The following CSGALNACT1 variants were observed in gnomAD, a reference collection of about 807,000 sequenced individuals.
CSGALNACT1 encodes chondroitin sulfate N-acetylgalactosaminyltransferase 1, also known as beta4GalNAcT-1.
CSGALNACT1 carries 52 observed loss-of-function variants against 51.0 expected under a neutral mutation model. The ratio of observed to expected loss-of-function variants is 1.02; its 90% CI spans 0.82 to 1.29. CSGALNACT1 has a LOEUF of 1.29. CSGALNACT1 is among the 50% of genes most tolerant of loss of function. The pLI, the probability that CSGALNACT1 is intolerant of heterozygous loss-of-function variation, is 0.00. For missense variants in CSGALNACT1, 935 were observed against 679.2 expected (o/e 1.38, Z -4.19); for synonymous variants, 341 against 254.4 (o/e 1.34, Z -3.24).
At chr8:19,745,712 G>T (rs2064610928) in intron 1 of CSGALNACT1, among the ~76,000 whole-genome samples, 1 of 152,136 alleles carries the variant, frequency 6.6e-6, no homozygotes, top group Non-Finnish European at 1.5e-5. Flanking sequence ...CATCCCCAGG[G>T]AATATCTGTG....
chr8:19,634,716 T>A (rs2055781292), intron 1 of CSGALNACT1, among the ~76,000 whole-genome samples: 1 of 152,170 alleles, frequency 6.6e-6, no homozygotes, highest in Admixed American at 6.5e-5. Context: ...TTCAGCCATA[T>A]GGAGACACAG....
intron 1 of CSGALNACT1, among the ~76,000 whole-genome samples, chr8:19,639,203 C>T (rs1220008797): frequency 2.0e-5 from 3 of 152,242 alleles, no homozygotes; most frequent in Non-Finnish European, 4.4e-5. Flanking sequence ...GACCCAACCA[C>T]AGAACAATCA....
At chr8:19,690,092 C>G (rs534811467) in intron 1 of CSGALNACT1, among the ~76,000 whole-genome samples, 17 of 152,268 alleles carry the variant, frequency 1.1e-4, no homozygotes, top group Non-Finnish European at 2.5e-4. Flanking sequence ...GTAGAGACAA[C>G]TGCAGGTATA....
At chr8:19,639,132 TAA>T (rs767113962) in intron 1 of CSGALNACT1, among the ~76,000 whole-genome samples, 14 of 152,238 alleles carry the variant, frequency 9.2e-5, no homozygotes, top group Non-Finnish European at 1.8e-4. Context: ...AGTACAAAAT[TAA>T]AGAGGCCTGT....
chr8:19,418,033 C>T (rs1452600228), intron 8 of CSGALNACT1, among the ~76,000 whole-genome samples: 1 of 152,202 alleles, frequency 6.6e-6, no homozygotes, highest in Admixed American at 6.5e-5. Flanking sequence ...ATCACCTGTG[C>T]AGCCAGGATC....
chr8:19,698,101 C>G (rs527416494), intron 1 of CSGALNACT1, among the ~76,000 whole-genome samples: 1 of 152,262 alleles, frequency 6.6e-6, no homozygotes, highest in South Asian at 2.1e-4. Context: ...AGTGAGAAGG[C>G]TGCTGGGGAA....
intron 3 of CSGALNACT1, among the ~76,000 whole-genome samples, chr8:19,530,453 G>T (rs981509167): frequency 6.6e-6 from 1 of 152,056 alleles, no homozygotes; most frequent in Non-Finnish European, 1.5e-5. Context: ...AACAGATTTT[G>T]CATTTATGAC....
chr8:19,481,853 G>A (rs1033068948), intron 4 of CSGALNACT1, among the ~76,000 whole-genome samples: 1 of 152,126 alleles, frequency 6.6e-6, no homozygotes, highest in Admixed American at 6.5e-5. Context: ...AAAACTTATG[G>A]AGATACAGAG....
chr8:19,441,016 A>G lies in CSGALNACT1; in HGVS notation c.852-1085T>C, dbSNP rs1466005388. ...CCTAGGAATCCAACTTACAAGGAAT[A>G]TGAAGGACCTCTTCAAGGAGAACTA... On this transcript the variant is annotated intron_variant, in intron 5 of 9. Transcript: ENST00000454498. Among the ~76,000 whole-genome samples, 12 of 152,288 alleles carry G rather than the reference A, an allele frequency of 7.9e-5. No individual in the cohort carries two copies. The South Asian group carries it at 1.5e-3, about 18-fold the overall frequency.
intron 3 of CSGALNACT1, among the ~76,000 whole-genome samples, chr8:19,580,787 T>C (rs1182331985): frequency 2.6e-5 from 4 of 151,998 alleles, no homozygotes; most frequent in Non-Finnish European, 5.9e-5. Flanking sequence ...TTCAAGAAAA[T>C]ATATTAAAGA....
intron 4 of CSGALNACT1, among the ~76,000 whole-genome samples, chr8:19,474,115 G>A (rs2068838089): frequency 6.6e-6 from 1 of 152,030 alleles, no homozygotes; most frequent in African/African-American, 2.4e-5. Flanking sequence ...CCAGATCCAT[G>A]GAGCTTCTGA....
At chr8:19,407,445 T>C (rs1423304640) in intron 9 of CSGALNACT1, among the ~76,000 whole-genome samples, 1 of 152,100 alleles carries the variant, frequency 6.6e-6, no homozygotes. Flanking sequence ...GCTGAGCCCC[T>C]GCACCTGAGA....
At chr8:19,687,994 A>C (rs2061072587) in intron 1 of CSGALNACT1, among the ~76,000 whole-genome samples, 1 of 152,224 alleles carries the variant, frequency 6.6e-6, no homozygotes, top group Admixed American at 6.5e-5. Context: ...TGTGGTTTGC[A>C]AGGTACAATT....
At chr8:19,545,781 T>G (rs530635491) in intron 3 of CSGALNACT1, among the ~76,000 whole-genome samples, 3 of 149,124 alleles carry the variant, frequency 2.0e-5, no homozygotes, top group African/African-American at 7.3e-5. Flanking sequence ...TATATATATT[T>G]GTAAACACAC....
At chr8:19,473,564 T>G (rs533904046) in intron 4 of CSGALNACT1, among the ~76,000 whole-genome samples, 9 of 152,312 alleles carry the variant, frequency 5.9e-5, no homozygotes, top group African/African-American at 1.7e-4. Flanking sequence ...TTCTACCACC[T>G]TAAATAAGAT....
chr8:19,708,289 G>C (rs2062298602), intron 1 of CSGALNACT1, among the ~76,000 whole-genome samples: 3 of 152,206 alleles, frequency 2.0e-5, no homozygotes, highest in African/African-American at 7.2e-5. Flanking sequence ...AGCAGACTCA[G>C]CACCTAGGAG....
intron 4 of CSGALNACT1, among the ~76,000 whole-genome samples, chr8:19,476,615 G>C (rs2069729239): frequency 1.3e-5 from 2 of 152,006 alleles, no homozygotes; most frequent in African/African-American, 4.8e-5. Context: ...TGAATCACAG[G>C]GGCCTATAAC....
intron 3 of CSGALNACT1, among the ~76,000 whole-genome samples, chr8:19,515,506 A>G (rs373538328): frequency 1.1e-4 from 17 of 152,234 alleles, no homozygotes; most frequent in African/African-American, 4.1e-4. Flanking sequence ...TTTTAAAAGA[A>G]TTCTCAATAG....
chr8:19,682,774 T>A (rs1017404143), upstream of CSGALNACT1: 1 of 453,954 alleles, frequency 2.2e-6, no homozygotes, highest in Non-Finnish European at 4.4e-6. Flanking sequence ...CTGCCCAAGT[T>A]TGAGGTCTGG....
Sources: allele counts gnomAD v4.1 joint callset (sites outside exome capture counted in the v4.1 genomes callset), GRCh38; gene constraint gnomAD v4.1.1; transcripts MANE v1.5; gene names NCBI Gene and HGNC (gene_info 2026-07-23, HGNC 2026-07-21).